Variants in ARHGAP20 observed in about 807,000 individuals in gnomAD.
The protein encoded by ARHGAP20 is rho GTPase-activating protein 20.
Under a neutral mutation model 73.7 loss-of-function variants are expected in ARHGAP20, and 34 were observed. The ratio of observed to expected loss-of-function variants is 0.46; its 90% CI spans 0.35 to 0.61. ARHGAP20 has a LOEUF of 0.61. Among genes scored for constraint, ARHGAP20 ranks in the 20% least tolerant of loss-of-function variants. The pLI is 0.00. For synonymous variants in ARHGAP20, 523 were observed against 518.2 expected, an observed-to-expected ratio of 1.01 and a Z score of -0.13; for missense variants, 1,314 against 1,420.9, an observed-to-expected ratio of 0.92 and a Z score of 1.21.
chr11:110,640,223 T>C (rs1949051285), intron 2 of ARHGAP20, among the ~76,000 whole-genome samples: 1 of 152,046 alleles, frequency 6.6e-6, no homozygotes, highest in Non-Finnish European at 1.5e-5. Flanking sequence ...TTTACCTCTC[T>C]CTTTTCTCCA....
In ARHGAP20 at chr11:110,712,206, T is replaced by A; in HGVS notation, c.26A>T (p.Glu9Val). 1 of 1,368,014 alleles carries A rather than the reference T, an allele frequency of 7.3e-7. No individual in the cohort carries two copies. The highest frequency in any genetic ancestry group is 2.2e-5 in the South Asian group (1 of 45,932). 84.7% of individuals were successfully genotyped at this position (1,368,014 alleles called of 1,614,324 possible). Reference sequence around the variant, plus strand: ...GCGCCCCGGCTGTCCCCCTAGAGTCTCCTGCTGGGGGGACATCGCTTCCAT... The same window carrying A: ...GCGCCCCGGCTGTCCCCCTAGAGTCACCTGCTGGGGGGACATCGCTTCCAT... MEAMSPQQETLGGQPGRSS... is the reference protein window; with the variant it reads MEAMSPQQVTLGGQPGRSS... Residue 9 changes from glutamate (E) to valine (V), a missense_variant, in exon 1 of 15, where the codon GAG becomes GTG. Physicochemically the swap from Glu to Val is moderately radical, Grantham distance 121 (BLOSUM62 -2). This residue lies in a region of ARHGAP20 where 443 missense variants were observed against 466.4 expected (regional missense o/e 0.95). Coordinates refer to ENST00000683387, the MANE Select transcript of ARHGAP20 (RefSeq NM_001384657.1).
Position 110,580,833 on chromosome 11 carries a change from C to G in ARHGAP20, c.2113G>C (p.Glu705Gln). ...GAATCCAGATAGTCGATGCTGGGCT[C>G]TGAGCAACGCCGGTGTCGCCTCAGG... ...KSLRRHRRCS[E>Q]PSIDYLDSKL... is the part of the protein sequence containing the mutation. The change falls in exon 15 of 15, where the codon GAG becomes CAG. Residue 705 changes from glutamate to glutamine, a missense_variant. By Grantham distance (29) the Glu-to-Gln change is conservative (BLOSUM62 2). Coordinates refer to ENST00000683387, the MANE Select transcript of ARHGAP20 (RefSeq NM_001384657.1). The G allele has an allele frequency of 1.9e-6, 3 of 1,613,952 alleles. No individual in the cohort carries two copies. Among genetic ancestry groups the G allele is most frequent in the Non-Finnish European group, 2.5e-6 (3 of 1,179,860 alleles).
intron 1 of ARHGAP20, among the ~76,000 whole-genome samples, chr11:110,691,536 A>G (rs757663782): frequency 4.6e-5 from 7 of 152,198 alleles, no homozygotes; most frequent in South Asian, 2.1e-4. Context: ...TGTTGCTCCA[A>G]TGGGAACCAT....
chr11:110,651,615 A>G (rs1949355437), intron 2 of ARHGAP20, among the ~76,000 whole-genome samples: 2 of 152,224 alleles, frequency 1.3e-5, no homozygotes, highest in Middle Eastern at 3.4e-3. Context: ...CAAATAAACT[A>G]GAAAATCTAG....
intron 4 of ARHGAP20, among the ~76,000 whole-genome samples, chr11:110,622,348 T>A (rs962642164): frequency 1.3e-5 from 2 of 152,192 alleles, no homozygotes; most frequent in African/African-American, 4.8e-5. Context: ...TTTAAAAAAA[T>A]AAATTCAGAA....
At chr11:110,584,974 TA>T (rs1286749685) in intron 12 of ARHGAP20, among the ~76,000 whole-genome samples, 1 of 63,044 alleles carries the variant, frequency 1.6e-5, no homozygotes, top group African/African-American at 3.8e-5. Context: ...AATATATGAA[TA>T]TATATGTGAA....
intron 12 of ARHGAP20, among the ~76,000 whole-genome samples, chr11:110,585,533 T>C (rs1056176611): frequency 6.6e-6 from 1 of 152,170 alleles, no homozygotes; most frequent in Non-Finnish European, 1.5e-5. Context: ...GTAAATAATA[T>C]TGAGATTCTT....
At chr11:110,625,062 G>A (rs1030694149) in intron 3 of ARHGAP20, among the ~76,000 whole-genome samples, 2 of 138,638 alleles carry the variant, frequency 1.4e-5, no homozygotes, top group African/African-American at 2.7e-5. Context: ...ACGGAGTCTC[G>A]CTCTGTCGCC....
Position 110,712,190 on chromosome 11 carries a change from C to T in ARHGAP20, c.42G>A (p.Gln14=), listed in dbSNP as rs565528039. Residue 14 remains glutamine (Q), a synonymous_variant, in exon 1 of 15, where the codon CAG becomes CAA. Transcript: ENST00000683387. ...CTGTCAGGGAAGAGGAGCGCCCCGG[C>T]TGTCCCCCTAGAGTCTCCTGCTGGG... ...MSPQQETLGG[Q]PGRSSSLTGV... The T allele has an allele frequency of 5.1e-6, 7 of 1,360,848 alleles. No individual in the cohort carries two copies. In the East Asian group the frequency reaches 1.4e-4, roughly 27 times the overall value. The allele number at this position is 1,360,848 out of a possible 1,614,324, so 84.3% of individuals were successfully genotyped here. A position where few individuals can be genotyped will look rare whatever the true frequency, so the allele number is the denominator to read the frequency against.
chr11:110,652,289 G>A (rs1397338793), intron 2 of ARHGAP20, among the ~76,000 whole-genome samples: 1 of 152,094 alleles, frequency 6.6e-6, no homozygotes, highest in African/African-American at 2.4e-5. Context: ...CATACTGAAT[G>A]GGCAAAAGCT....
chr11:110,638,925 C>T (rs1203973953), intron 2 of ARHGAP20, among the ~76,000 whole-genome samples: 2 of 151,938 alleles, frequency 1.3e-5, no homozygotes, highest in South Asian at 2.1e-4. Flanking sequence ...GGGTGCAGCA[C>T]ACCAACATGG....
chr11:110,584,966 T>TATATATGAATATATGA lies in ARHGAP20; in HGVS notation c.1416-1230_1416-1229insTCATATATTCATATAT, dbSNP rs1555082412. ...ATATGAATATATGAATATATGTGAA[T>TATATATGAATATATGA]ATATGAATATATATGTGAAAATATA... On this transcript the variant is annotated intron_variant, in intron 12 of 14. Transcript: ENST00000683387. Among the ~76,000 whole-genome samples the TATATATGAATATATGA allele has an allele frequency of 6.2e-3, 655 of 105,930 alleles. 6 individuals carry two copies. Among genetic ancestry groups the TATATATGAATATATGA allele is most frequent in the African/African-American group, 0.019 (615 of 33,192 alleles). The allele number at this position is 105,930 out of a possible 152,430, so 69.5% of individuals were successfully genotyped here. A position where few individuals can be genotyped will look rare whatever the true frequency, so the allele number is the denominator to read the frequency against.
At chr11:110,594,843 A>G (rs1947914823) in intron 9 of ARHGAP20, among the ~76,000 whole-genome samples, 1 of 152,132 alleles carries the variant, frequency 6.6e-6, no homozygotes. Context: ...CAAAAAAAAA[A>G]AGAGCATTTT....
At position 110,581,147 on chromosome 11, in the gene ARHGAP20, C is replaced by T; in HGVS notation, c.1799G>A (p.Cys600Tyr). ...NELNEDVDAPCSDLVKKLGQG... is the reference protein window; with the variant it reads ...NELNEDVDAPYSDLVKKLGQG... ...GCCAAGTTTCTTTACCAAGTCACTG[C>T]ATGGTGCATCAACATCCTCATTTAG... is the stretch of plus-strand genomic sequence containing the variant. The change falls in exon 15 of 15, where the codon TGC becomes TAC. Residue 600 changes from cysteine (C) to tyrosine (Y), a missense_variant. Around this residue, in one of 3 missense-constraint regions of ARHGAP20, gnomAD observed 230 missense variants for 317.6 expected, o/e 0.72. Transcript: ENST00000683387. 1.9e-6 allele frequency: 3 copies of T among 1,614,220 alleles called. No individual in the cohort carries two copies. The highest frequency in any genetic ancestry group is 2.5e-6 in the Non-Finnish European group (3 of 1,180,030).
At position 110,685,421 on chromosome 11, in the gene ARHGAP20, G is replaced by T. The variant is rs974658227; in HGVS notation, c.188+5126C>A. On this transcript the variant is annotated intron_variant, in intron 2 of 14. Coordinates refer to ENST00000683387, the MANE Select transcript of ARHGAP20 (RefSeq NM_001384657.1). ...AACCTGTAACCTTCTCAGCATGAAA[G>T]ATGTCTGTCACATTTCCTAATATAA... is the stretch of plus-strand genomic sequence containing the variant. 2.0e-5 allele frequency among the ~76,000 whole-genome samples: 3 copies of T among 152,066 alleles called. 1 individual carries two copies. The East Asian group carries it at 5.8e-4, about 29-fold the overall frequency.
At chr11:110,712,627 C>G (rs1486508509), upstream of ARHGAP20, 1 of 152,368 alleles carries the variant, frequency 6.6e-6, no homozygotes, top group Non-Finnish European at 1.5e-5. Context: ...ACACCGGCCA[C>G]CGGCTGACCT....
intron 9 of ARHGAP20, among the ~76,000 whole-genome samples, chr11:110,600,349 A>C (rs971777813): frequency 1.5e-4 from 23 of 152,228 alleles, no homozygotes; most frequent in African/African-American, 5.3e-4. Flanking sequence ...TGTGTTCCCT[A>C]GTGCCAGCCA....
intron 2 of ARHGAP20, among the ~76,000 whole-genome samples, chr11:110,676,874 T>G (rs923553547): frequency 6.6e-6 from 1 of 152,198 alleles, no homozygotes; most frequent in Middle Eastern, 3.2e-3. Flanking sequence ...ACATGATATT[T>G]TGATATATGT....
chr11:110,628,434 T>C (rs1344278816), intron 3 of ARHGAP20, among the ~76,000 whole-genome samples: 1 of 152,152 alleles, frequency 6.6e-6, no homozygotes, highest in Non-Finnish European at 1.5e-5. Flanking sequence ...TCTGTGAATA[T>C]AACTAACTAA....
Sources: allele counts gnomAD v4.1 joint callset (sites outside exome capture counted in the v4.1 genomes callset), GRCh38; gene constraint gnomAD v4.1.1; regional missense constraint gnomAD v4.1.1; transcripts MANE v1.5; gene names NCBI Gene and HGNC (gene_info 2026-07-23, HGNC 2026-07-21).